Variants in NR3C2 observed in about 807,000 individuals in gnomAD.
NR3C2 encodes the protein nuclear receptor subfamily 3 group C member 2.
Under a neutral mutation model 86.4 loss-of-function variants are expected in NR3C2, and 15 were observed. The ratio of observed to expected loss-of-function variants is 0.17; its 90% CI spans 0.12 to 0.27. The LOEUF is 0.27. NR3C2 is among the 10% of genes least tolerant of loss of function. The pLI, the probability that NR3C2 is intolerant of heterozygous loss-of-function variation, is 1.00. For missense variants in NR3C2, 960 were observed against 1,195.6 expected, an observed-to-expected ratio of 0.80 and a Z score of 2.91; for synonymous variants, 458 against 450.5, an observed-to-expected ratio of 1.02 and a Z score of -0.21.
At chr4:148,217,409 C>T (rs1226550747) in intron 3 of NR3C2, among the ~76,000 whole-genome samples, 1 of 152,212 alleles carries the variant, frequency 6.6e-6, no homozygotes, top group Admixed American at 6.5e-5. Flanking sequence ...ACTTACACCT[C>T]AGAGATTTTC....
rs1740639529 is a variant in NR3C2, at chr4:148,270,766, T to C, written c.1758-10649A>G. Reference sequence around the variant, plus strand: ...TGGATGACTGACTCTGCAAAGAAATTCAGAGCCACCTTTTCTAGTCTAGCC... The same window carrying C: ...TGGATGACTGACTCTGCAAAGAAATCCAGAGCCACCTTTTCTAGTCTAGCC... On this transcript the variant is annotated intron_variant, in intron 2 of 8. Transcript: ENST00000358102. Among the ~76,000 whole-genome samples, 6 of 152,164 alleles carry C rather than the reference T, an allele frequency of 3.9e-5. No individual in the cohort carries two copies. In the South Asian group the frequency reaches 1.2e-3, roughly 32 times the overall value.
rs569033833 is a variant in NR3C2, at chr4:148,119,584, G to A, written c.2641+574C>T. ...TGAGGCTGGTGGATCACCGGAGTTCGAGACCAGCCTGGCCAACATGGTGAA... is the reference window on the plus strand; with the variant it reads ...TGAGGCTGGTGGATCACCGGAGTTCAAGACCAGCCTGGCCAACATGGTGAA... On this transcript the variant is annotated intron_variant, in intron 7 of 8. Coordinates refer to ENST00000358102, the MANE Select transcript of NR3C2 (RefSeq NM_000901.5). Among the ~76,000 whole-genome samples, 39 of 152,202 alleles carry A rather than the reference G, an allele frequency of 2.6e-4. No individual in the cohort carries two copies. In the South Asian group the frequency reaches 7.5e-3, roughly 29 times the overall value.
At chr4:148,123,066 A>G (rs950681049) in intron 6 of NR3C2, among the ~76,000 whole-genome samples, 1 of 152,182 alleles carries the variant, frequency 6.6e-6, no homozygotes, top group African/African-American at 2.4e-5. Context: ...CTAGCAAGGA[A>G]TATTAATATT....
At chr4:148,338,690 A>C (rs1308820126) in intron 2 of NR3C2, among the ~76,000 whole-genome samples, 1 of 152,144 alleles carries the variant, frequency 6.6e-6, no homozygotes, top group Non-Finnish European at 1.5e-5. Flanking sequence ...TGAACTGGAG[A>C]CATGAGCCCC....
intron 1 of NR3C2, among the ~76,000 whole-genome samples, chr4:148,438,606 A>T (rs1265729592): frequency 6.6e-6 from 1 of 151,026 alleles, no homozygotes; most frequent in South Asian, 2.1e-4. Context: ...CCCTTCATTT[A>T]AAAAAAAACA....
chr4:148,412,270 G>T (rs1249899117), intron 2 of NR3C2, among the ~76,000 whole-genome samples: 1 of 152,148 alleles, frequency 6.6e-6, no homozygotes, highest in Non-Finnish European at 1.5e-5. Context: ...GGAGGGGTGG[G>T]TGGAGCTGTG....
chr4:148,222,440 G>C (rs1383300309), intron 3 of NR3C2, among the ~76,000 whole-genome samples: 2 of 152,140 alleles, frequency 1.3e-5, no homozygotes, highest in African/African-American at 2.4e-5. Context: ...GTTATCCAAA[G>C]CTACTGAAAA....
At chr4:148,088,855 C>A (rs566097548) in intron 8 of NR3C2, among the ~76,000 whole-genome samples, 6 of 152,282 alleles carry the variant, frequency 3.9e-5, no homozygotes, top group African/African-American at 1.4e-4. Context: ...ACTACCATTG[C>A]ACAGCAAGAG....
chr4:148,326,585 T>C (rs189456706), intron 2 of NR3C2, among the ~76,000 whole-genome samples: 1 of 152,270 alleles, frequency 6.6e-6, no homozygotes, highest in Admixed American at 6.5e-5. Flanking sequence ...TTATTGCCCA[T>C]TATTTTATTG....
intron 8 of NR3C2, among the ~76,000 whole-genome samples, chr4:148,097,576 AG>A (rs1266196302): frequency 6.6e-6 from 1 of 152,206 alleles, no homozygotes; most frequent in Non-Finnish European, 1.5e-5. Flanking sequence ...CCATACAGAC[AG>A]GATCTCTTGA....
chr4:148,424,996 C>A (rs545347452), intron 2 of NR3C2, among the ~76,000 whole-genome samples: 4 of 152,196 alleles, frequency 2.6e-5, no homozygotes, highest in African/African-American at 9.6e-5. Flanking sequence ...CTGTATTATA[C>A]TGAGATGAGA....
chr4:148,335,207 C>A (rs1744420256), intron 2 of NR3C2, among the ~76,000 whole-genome samples: 1 of 152,112 alleles, frequency 6.6e-6, no homozygotes, highest in African/African-American at 2.4e-5. Flanking sequence ...TGGTAACAGA[C>A]CAAGTGATTC....
intron 7 of NR3C2, among the ~76,000 whole-genome samples, chr4:148,118,325 G>C (rs1732362817): frequency 6.6e-6 from 1 of 152,094 alleles, no homozygotes; most frequent in African/African-American, 2.4e-5. Context: ...CCTTCTGTCG[G>C]GGTTATCAAC....
At chr4:148,427,352 C>T (rs564400408) in intron 2 of NR3C2, among the ~76,000 whole-genome samples, 53 of 152,190 alleles carry the variant, frequency 3.5e-4, no homozygotes, top group African/African-American at 1.3e-3. Context: ...ATATCAACTC[C>T]TCCCCTTCCT....
chr4:148,108,067 T>C (rs924876204), intron 8 of NR3C2, among the ~76,000 whole-genome samples: 7 of 152,310 alleles, frequency 4.6e-5, no homozygotes, highest in African/African-American at 1.7e-4. Flanking sequence ...TGTAGCAGTA[T>C]GTCATTTGTG....
At chr4:148,108,499 C>T (rs888880558) in intron 8 of NR3C2, among the ~76,000 whole-genome samples, 1 of 152,180 alleles carries the variant, frequency 6.6e-6, no homozygotes, top group Non-Finnish European at 1.5e-5. Flanking sequence ...CTGTTCCTCA[C>T]ACTACCCACC....
chr4:148,384,591 CTG>C (rs1747171451), intron 2 of NR3C2, among the ~76,000 whole-genome samples: 1 of 152,080 alleles, frequency 6.6e-6, no homozygotes, highest in Non-Finnish European at 1.5e-5. Flanking sequence ...AAACAAGAAA[CTG>C]TATTTGCTAA....
intron 3 of NR3C2, among the ~76,000 whole-genome samples, chr4:148,206,900 C>A (rs1195012843): frequency 6.6e-6 from 1 of 152,010 alleles, no homozygotes; most frequent in African/African-American, 2.4e-5. Context: ...AGGCAAGTTA[C>A]ATTCTTATGT....
chr4:148,373,396 G>A (rs1746511837), intron 2 of NR3C2, among the ~76,000 whole-genome samples: 1 of 151,682 alleles, frequency 6.6e-6, no homozygotes, highest in South Asian at 2.1e-4. Flanking sequence ...TGTTATCCAG[G>A]TAGGTATATG....
Sources: gnomAD v4.1 joint callset for allele counts (sites outside exome capture counted in the v4.1 genomes callset) on GRCh38, gnomAD v4.1.1 for gene constraint, MANE v1.5 for transcripts, NCBI Gene and HGNC (gene_info 2026-07-23, HGNC 2026-07-21) for gene names.